DSP: variants seen among roughly 807,000 people sequenced by gnomAD.
DSP encodes the protein desmoplakin.
Under a neutral mutation model 290.6 loss-of-function variants are expected in DSP, and 114 were observed. The ratio of observed to expected loss-of-function variants is 0.39; its 90% CI spans 0.34 to 0.46. DSP has a LOEUF of 0.46. DSP is among the 20% of genes least tolerant of loss of function. DSP has a pLI of 0.99. For synonymous variants in DSP, 1,311 were observed against 1,316.4 expected (o/e 1.00, Z 0.09); for missense variants, 3,230 against 3,495.8 (o/e 0.92, Z 1.92).
intron 11 of DSP, 76 bp downstream of exon 11, chr6:7,568,665 A>G (rs1758938650): frequency 6.6e-7 from 1 of 1,509,120 alleles, no homozygotes; most frequent in African/African-American, 1.4e-5. Flanking sequence ...AGAAAGCAAC[A>G]TTTAATCTAG....
At position 7,581,329 on chromosome 6, in the gene DSP, G is replaced by A. The variant is rs1759433301; in HGVS notation, c.5139G>A (p.Leu1713=). The change falls in exon 23 of 24, where the codon CTG becomes CTA. Residue 1713 remains leucine (L), a synonymous_variant. Coordinates refer to ENST00000379802, the MANE Select transcript of DSP (RefSeq NM_004415.4). ...GGCTGCAGTCTCTCACAGAGAACCT[G>A]ACCAAGGAGCACTTGATGTTAGAAG... is the stretch of plus-strand genomic sequence containing the variant. ...IERLQSLTEN[L]TKEHLMLEEE... 6.2e-7 allele frequency: 1 copy of A among 1,614,208 alleles called. No homozygotes were observed. Among genetic ancestry groups the A allele is most frequent in the East Asian group, 2.2e-5 (1 of 44,888 alleles).
Position 7,576,429 on chromosome 6 carries a change from AGTCATGCG to A in DSP, c.2769_2776del (p.Met924PhefsTer3). ...CCATGAAATTTGGAGATTCCAACAC[AGTCATGCG>A]GTTTTTGAATGAGCAGAAGGTATAA... On this transcript the variant is annotated frameshift_variant, in exon 19 of 24. Transcript: ENST00000379802. LOFTEE classifies it high-confidence loss of function. 1 of 1,614,136 alleles carries A rather than the reference AGTCATGCG, an allele frequency of 6.2e-7. No homozygotes were observed. The highest frequency in any genetic ancestry group is 1.1e-5 in the South Asian group (1 of 91,090).
At chr6:7,561,830 C>T (rs1758702510) in intron 4 of DSP, among the ~76,000 whole-genome samples, 1 of 152,140 alleles carries the variant, frequency 6.6e-6, no homozygotes, top group South Asian at 2.1e-4. Flanking sequence ...TTGCCCTTGG[C>T]ATGTCCAAGA....
At position 7,585,785 on chromosome 6, in the gene DSP, C is replaced by T; in HGVS notation, c.8523C>T (p.Ser2841=). 5 of 1,609,604 alleles carry T rather than the reference C, an allele frequency of 3.1e-6. No individual in the cohort carries two copies. Among genetic ancestry groups the T allele is most frequent in the Middle Eastern group, 1.7e-4 (1 of 6,020 alleles). Residue 2841 remains serine, a synonymous_variant, in exon 24 of 24, where the codon TCC becomes TCT. Transcript: ENST00000379802. ...CTCGCTCCGGATCTCGCTCCGGGTC[C>T]CGCAGTGGGTCCCGGAGAGGAAGCT... ...SGSRSGSRSG[S]RSGSRRGSFD...
intron 15 of DSP, among the ~76,000 whole-genome samples, chr6:7,572,909 A>G (rs1759098862): frequency 1.3e-5 from 2 of 152,238 alleles, no homozygotes; most frequent in South Asian, 4.1e-4. Context: ...TTGTGACACA[A>G]TGGTAAGTGT....
chr6:7,560,736 A>G (rs1758658295), intron 4 of DSP, among the ~76,000 whole-genome samples: 1 of 152,210 alleles, frequency 6.6e-6, no homozygotes, highest in Admixed American at 6.5e-5. Context: ...ACTACATCTT[A>G]AGGATCCACA....
At chr6:7,545,325 A>T (rs1279845576) in intron 1 of DSP, among the ~76,000 whole-genome samples, 2 of 152,222 alleles carry the variant, frequency 1.3e-5, no homozygotes, top group African/African-American at 4.8e-5. Flanking sequence ...GGGACCCCTA[A>T]GGATCACTTA....
Position 7,586,047 on chromosome 6 carries a change from T to A in DSP, c.*169T>A. 1 of 709,408 alleles carries A rather than the reference T, an allele frequency of 1.4e-6. No individual in the cohort carries two copies. The highest frequency in any genetic ancestry group is 2.3e-6 in the Non-Finnish European group (1 of 430,266). 43.9% of individuals were successfully genotyped at this position (709,408 alleles called of 1,614,324 possible). A position where few individuals can be genotyped will look rare whatever the true frequency, so the allele number is the denominator to read the frequency against. ...CAAATAGTAAAGGCTGTTCTGGCTT[T>A]TTATCTTCTTAGCTCATCTTAAATA... On this transcript the variant is annotated 3_prime_UTR_variant, in exon 24 of 24. Coordinates refer to ENST00000379802, the MANE Select transcript of DSP (RefSeq NM_004415.4).
chr6:7,559,451 A>C, intron 4 of DSP, 51 bp downstream of exon 4: 1 of 1,608,706 alleles, frequency 6.2e-7, no homozygotes, highest in Non-Finnish European at 8.5e-7. Flanking sequence ...ACGTTCCAGC[A>C]CGATGGGGTC....
At position 7,581,447 on chromosome 6, in the gene DSP, A is replaced by C. The variant is rs775072446; in HGVS notation, c.5257A>C (p.Arg1753=). The C allele has an allele frequency of 1.4e-5, 22 of 1,612,786 alleles. No homozygotes were observed. The South Asian group carries it at 2.2e-4, about 16-fold the overall frequency. Residue 1753 remains arginine, a synonymous_variant, in exon 23 of 24, where the codon AGG becomes CGG. Coordinates refer to ENST00000379802, the MANE Select transcript of DSP (RefSeq NM_004415.4). Reference sequence around the variant, plus strand: ...TAAAAATGCAACCATCTTGGAACTAAGGAGCCAGCTGCAGATCAGCAACAA... The same window carrying C: ...TAAAAATGCAACCATCTTGGAACTACGGAGCCAGCTGCAGATCAGCAACAA... ...SDKNATILEL[R]SQLQISNNRT...
At chr6:7,551,190 G>T (rs1758331124) in intron 1 of DSP, among the ~76,000 whole-genome samples, 1 of 152,012 alleles carries the variant, frequency 6.6e-6, no homozygotes, top group Non-Finnish European at 1.5e-5. Context: ...AATGAATGAG[G>T]TGAAGAAATC....
chr6:7,542,000 G>C lies in DSP; in HGVS notation c.85G>C (p.Glu29Gln). Residue 29 changes from glutamate to glutamine, a missense_variant, in exon 1 of 24, where the codon GAG becomes CAG. Transcript: ENST00000379802. Reference sequence around the variant, plus strand: ...CGAGTCTGGCCCGGACCTGCGCTACGAGGTGACCAGCGGCGGCGGGGGCAC... The same window carrying C: ...CGAGTCTGGCCCGGACCTGCGCTACCAGGTGACCAGCGGCGGCGGGGGCAC... ...RAESGPDLRYEVTSGGGGTSR... is the reference protein window; with the variant it reads ...RAESGPDLRYQVTSGGGGTSR... 5 of 1,597,314 alleles carry C rather than the reference G, an allele frequency of 3.1e-6. No homozygotes were observed. Among genetic ancestry groups the C allele is most frequent in the Non-Finnish European group, 4.3e-6 (5 of 1,173,078 alleles).
chr6:7,583,776 T>G lies in DSP; in HGVS notation c.6514T>G (p.Phe2172Val). 1 of 1,613,902 alleles carries G rather than the reference T, an allele frequency of 6.2e-7. No homozygotes were observed. The part of the protein sequence containing the change: ...LNDPRDSQKN[F>V]VDPVTKKKVS... Reference sequence around the variant, plus strand: ...TGATCCCCGAGATAGTCAGAAAAACTTTGTGGATCCAGTCACCAAAAAGAA... The same window carrying G: ...TGATCCCCGAGATAGTCAGAAAAACGTTGTGGATCCAGTCACCAAAAAGAA... Residue 2172 changes from phenylalanine (F) to valine (V), a missense_variant, in exon 24 of 24, where the codon TTT (phenylalanine) becomes GTT (valine). Coordinates refer to ENST00000379802, the MANE Select transcript of DSP (RefSeq NM_004415.4). The surrounding 1 kb of genome is among the most constrained non-coding windows in gnomAD (Gnocchi z 4.0).
chr6:7,559,177 T>C, intron 3 of DSP, 49 bp from the exon 4 acceptor site: 2 of 1,610,460 alleles, frequency 1.2e-6, no homozygotes, highest in Non-Finnish European at 1.7e-6. Flanking sequence ...CAGAACGGGT[T>C]TTCATAGGCT....
chr6:7,569,411 T>G, intron 12 of DSP, 71 bp downstream of exon 12: 1 of 1,608,154 alleles, frequency 6.2e-7, no homozygotes, highest in South Asian at 1.1e-5. Flanking sequence ...GGGCAGGTGT[T>G]TATACCTGAA....
At chr6:7,578,687 A>G in intron 22 of DSP, 125 bp downstream of exon 22, 1 of 764,216 alleles carries the variant, frequency 1.3e-6, no homozygotes, top group East Asian at 2.6e-5. Context: ...CTAAAGGTTT[A>G]GTGTAATACT....
Position 7,583,082 on chromosome 6 carries a change from TAAACTC to T in DSP, c.5822_5827del (p.Lys1941_Leu1942del), listed in dbSNP as rs767811940. Reference sequence around the variant, plus strand: ...GCTCCCGATATCAGAGGGAGATTGATAAACTCAGACAGCGCCCATATGGGTCCCATC... The same window carrying T: ...GCTCCCGATATCAGAGGGAGATTGATAGACAGCGCCCATATGGGTCCCATC... On this transcript the variant is annotated inframe_deletion, in exon 24 of 24. Transcript: ENST00000379802. The surrounding 1 kb of genome is among the most constrained non-coding windows in gnomAD (Gnocchi z 4.0). 6.2e-7 allele frequency: 1 copy of T among 1,614,062 alleles called. No homozygotes were observed. Among genetic ancestry groups the T allele is most frequent in the Non-Finnish European group, 8.5e-7 (1 of 1,180,024 alleles).
chr6:7,568,305 T>TAGAGAG, intron 10 of DSP, 132 bp from the exon 11 acceptor site: 1 of 1,031,752 alleles, frequency 9.7e-7, no homozygotes, highest in East Asian at 2.5e-5. Context: ...CCGACGAATT[T>TAGAGAG]GTGATTTTTT....
At chr6:7,562,907 A>C in intron 5 of DSP, 127 bp downstream of exon 5, 6 of 1,397,774 alleles carry the variant, frequency 4.3e-6, no homozygotes, top group Non-Finnish European at 6.0e-6. Context: ...GGAAATGTTT[A>C]GAAATCCCAC....
Sources: allele counts gnomAD v4.1 joint callset (sites outside exome capture counted in the v4.1 genomes callset), GRCh38; gene constraint gnomAD v4.1.1; non-coding constraint Gnocchi (gnomAD v3.1); transcripts MANE v1.5; gene names NCBI Gene and HGNC (gene_info 2026-07-23, HGNC 2026-07-21).